Variants in GALNTL6 observed in about 807,000 individuals in gnomAD.
GALNTL6 encodes the protein polypeptide N-acetylgalactosaminyltransferase like 6.
A neutral mutation model predicts 73.7 loss-of-function variants in GALNTL6; 46 were observed. The ratio of observed to expected loss-of-function variants is 0.62; its 90% confidence interval spans 0.49 to 0.80. The LOEUF is 0.80. Ranked by LOEUF, GALNTL6 falls within the 30% of genes least tolerant of loss-of-function variation. The pLI is 0.00. For missense variants in GALNTL6, 604 were observed against 755.0 expected (o/e 0.80, Z 2.34); for synonymous variants, 259 against 263.7 (o/e 0.98, Z 0.17).
intron 5 of GALNTL6, among the ~76,000 whole-genome samples, chr4:172,621,303 TC>T (rs906216350): frequency 6.6e-6 from 1 of 152,148 alleles, no homozygotes; most frequent in African/African-American, 2.4e-5. Context: ...AATAATCCCA[TC>T]TCAGCCTCCT....
At position 172,524,145 on chromosome 4, in the gene GALNTL6, A is replaced by G. The variant is rs1305755184; in HGVS notation, c.553+175456A>G. On this transcript the variant is annotated intron_variant, in intron 5 of 12. Coordinates refer to ENST00000506823, the MANE Select transcript of GALNTL6 (RefSeq NM_001034845.3). ...ATAAATGAAGTTCAGTAAACATTCT[A>G]TTCTGTGGACACTTTTGCTCAGCAT... Among the ~76,000 whole-genome samples the G allele has an allele frequency of 2.6e-5, 4 of 152,150 alleles. No homozygotes were observed. The East Asian group carries it at 7.7e-4, about 29-fold the overall frequency.
intron 2 of GALNTL6, among the ~76,000 whole-genome samples, chr4:171,856,592 A>G (rs1735698415): frequency 6.6e-6 from 1 of 152,136 alleles, no homozygotes; most frequent in Non-Finnish European, 1.5e-5. Flanking sequence ...ATTTTTGTGA[A>G]AAGTATTAAT....
chr4:172,476,895 A>G (rs980967813), intron 5 of GALNTL6, among the ~76,000 whole-genome samples: 4 of 151,604 alleles, frequency 2.6e-5, no homozygotes, highest in African/African-American at 9.7e-5. Context: ...TAACTATATC[A>G]AACAAACATA....
chr4:172,320,348 A>C (rs994960221), intron 4 of GALNTL6, among the ~76,000 whole-genome samples: 1 of 152,052 alleles, frequency 6.6e-6, no homozygotes, highest in East Asian at 1.9e-4. Flanking sequence ...CCTTGTCCCC[A>C]CCCTTATCTC....
At chr4:171,904,468 A>T (rs578228707) in intron 2 of GALNTL6, among the ~76,000 whole-genome samples, 59 of 152,312 alleles carry the variant, frequency 3.9e-4, no homozygotes, top group African/African-American at 1.3e-3. Flanking sequence ...GAAACGAGTA[A>T]AGCCTCCAAG....
At chr4:172,109,389 G>T (rs1732788141) in intron 2 of GALNTL6, among the ~76,000 whole-genome samples, 1 of 152,204 alleles carries the variant, frequency 6.6e-6, no homozygotes, top group African/African-American at 2.4e-5. Flanking sequence ...TGTCCTCAGA[G>T]TTGTCTAAGA....
chr4:172,156,540 A>AATATATATAT (rs5864120), intron 2 of GALNTL6, among the ~76,000 whole-genome samples: 5 of 125,186 alleles, frequency 4.0e-5, no homozygotes, highest in Admixed American at 8.0e-5. Flanking sequence ...ATATATATAT[A>AATATATATAT]ATATATATAT....
chr4:171,899,653 A>G (rs962127555), intron 2 of GALNTL6, among the ~76,000 whole-genome samples: 3 of 152,194 alleles, frequency 2.0e-5, no homozygotes, highest in African/African-American at 7.2e-5. Context: ...TATGCTATAC[A>G]CATAGAACAA....
chr4:172,093,899 T>G (rs1732277510), intron 2 of GALNTL6, among the ~76,000 whole-genome samples: 1 of 152,140 alleles, frequency 6.6e-6, no homozygotes, highest in South Asian at 2.1e-4. Context: ...GATTCTGCAT[T>G]ATGGTGAGTC....
At chr4:172,526,995 A>T (rs1561122775) in intron 5 of GALNTL6, among the ~76,000 whole-genome samples, 1 of 152,190 alleles carries the variant, frequency 6.6e-6, no homozygotes, top group Non-Finnish European at 1.5e-5. Flanking sequence ...TACAGTCACT[A>T]GAGACAGGGT....
rs187586098 is a variant in GALNTL6 at position 173,002,483 on chromosome 4, A to G, written c.1372-6695A>G. Among the ~76,000 whole-genome samples the G allele has an allele frequency of 2.1e-3, 325 of 152,044 alleles. 1 individual carries two copies. Among genetic ancestry groups the G allele is most frequent in the Non-Finnish European group, 3.0e-3 (207 of 67,976 alleles). ...CATATTTATATATGTATATATTTAT[A>G]TATGTGTTTATTCATATAAATATAT... On this transcript the variant is annotated intron_variant, in intron 10 of 12. Transcript: ENST00000506823.
rs76821751 is a variant in GALNTL6, at chr4:172,859,929, A to G, written c.924-22861A>G. Among the ~76,000 whole-genome samples, 3 of 152,200 alleles carry G rather than the reference A, an allele frequency of 2.0e-5. No individual in the cohort carries two copies. In the South Asian group the frequency reaches 6.2e-4, roughly 32 times the overall value. On this transcript the variant is annotated intron_variant, in intron 7 of 12. Transcript: ENST00000506823. The stretch of plus-strand genomic sequence containing the variant: ...ATGGGACCGTCTAGTTGCAGAAAAA[A>G]TAAGCTCAAGGCTCCCACTGTTTCT...
chr4:172,039,558 T>C (rs931813017), intron 2 of GALNTL6, among the ~76,000 whole-genome samples: 1 of 152,044 alleles, frequency 6.6e-6, no homozygotes, highest in Non-Finnish European at 1.5e-5. Flanking sequence ...GAATGAGTTA[T>C]GGAGAGAAAG....
At chr4:172,411,327 T>G (rs1744427133) in intron 5 of GALNTL6, among the ~76,000 whole-genome samples, 1 of 152,126 alleles carries the variant, frequency 6.6e-6, no homozygotes, top group Admixed American at 6.6e-5. Flanking sequence ...CTGATATTGG[T>G]GATGTCGTAA....
intron 12 of GALNTL6, among the ~76,000 whole-genome samples, chr4:173,033,794 G>A (rs960595020): frequency 6.6e-6 from 1 of 152,160 alleles, no homozygotes; most frequent in African/African-American, 2.4e-5. Context: ...GGACAGGAAG[G>A]AGTTCTCTCT....
chr4:172,386,852 A>C lies in GALNTL6; in HGVS notation c.553+38163A>C, dbSNP rs150769336. ...CCCACATTGAAGGCAGATCTTTGCC[A>C]CTCAACCTACCAACTCAAAGGCCAA... On this transcript the variant is annotated intron_variant, in intron 5 of 12. Transcript: ENST00000506823. Among the ~76,000 whole-genome samples the C allele has an allele frequency of 2.2e-3, 337 of 152,178 alleles. 2 individuals carry two copies. Among genetic ancestry groups the C allele is most frequent in the Non-Finnish European group, 3.5e-3 (237 of 67,992 alleles).
chr4:171,944,735 C>T (rs996000648), intron 2 of GALNTL6, among the ~76,000 whole-genome samples: 1 of 151,672 alleles, frequency 6.6e-6, no homozygotes, highest in African/African-American at 2.4e-5. Flanking sequence ...ATCCTGTATG[C>T]ATTTCTTCAC....
intron 7 of GALNTL6, among the ~76,000 whole-genome samples, chr4:172,871,359 A>G (rs1406430698): frequency 6.6e-6 from 1 of 152,196 alleles, no homozygotes; most frequent in African/African-American, 2.4e-5. Flanking sequence ...GTGCCCCAAC[A>G]GAAACAGGGT....
intron 3 of GALNTL6, among the ~76,000 whole-genome samples, chr4:172,275,126 C>T (rs1738782762): frequency 6.6e-6 from 1 of 152,068 alleles, no homozygotes; most frequent in Non-Finnish European, 1.5e-5. Context: ...TTCTGCATTC[C>T]TTTTTTCTCT....
Sources: allele counts gnomAD v4.1 joint callset (sites outside exome capture counted in the v4.1 genomes callset), GRCh38; gene constraint gnomAD v4.1.1; transcripts MANE v1.5; gene names NCBI Gene and HGNC (gene_info 2026-07-23, HGNC 2026-07-21).